The following ATP1A3 variants were observed in gnomAD, a reference collection of about 807,000 sequenced individuals.
ATP1A3 encodes the protein sodium/potassium-transporting ATPase subunit alpha-3.
ATP1A3 carries 12 observed loss-of-function variants against 108.8 expected under a neutral mutation model. The observed-to-expected ratio is 0.11, with a 90% CI of 0.07 to 0.18. The LOEUF is 0.18. Ranked by LOEUF, ATP1A3 falls within the 10% of genes least tolerant of loss-of-function variation. The pLI is 1.00. For synonymous variants in ATP1A3, 539 were observed against 564.5 expected (o/e 0.95, Z 0.64); for missense variants, 498 against 1,387.7 (o/e 0.36, Z 10.19).
At position 41,967,454 on chromosome 19, in the gene ATP1A3, G is replaced by A. The variant is rs1215178151; in HGVS notation, c.2922-114C>T. ...CTCCCAGGATCCTTCGTGCTCACAGGTGGAGGGTGCCCTGGGCGGGGCTGG... is the reference window on the plus strand; with the variant it reads ...CTCCCAGGATCCTTCGTGCTCACAGATGGAGGGTGCCCTGGGCGGGGCTGG... On this transcript the variant is annotated intron_variant, in intron 21 of 22. Transcript: ENST00000648268. This position sits in a 1 kb window ranked among gnomAD's most constrained non-coding sequence, Gnocchi z 4.2. 1.5e-6 allele frequency: 2 copies of A among 1,330,120 alleles called. No individual in the cohort carries two copies. The highest frequency in any genetic ancestry group is 1.3e-5 in the South Asian group (1 of 77,762). The allele number at this position is 1,330,120 out of a possible 1,614,324, so 82.4% of individuals were successfully genotyped here. A position where few individuals can be genotyped will look rare whatever the true frequency, so the allele number is the denominator to read the frequency against.
chr19:41,976,343 A>G, intron 15 of ATP1A3, 73 bp downstream of exon 15: 3 of 1,593,238 alleles, frequency 1.9e-6, no homozygotes, highest in Non-Finnish European at 2.6e-6. Context: ...CAGACCCAGG[A>G]AACCAGGCCC....
rs2075360437 is a variant in ATP1A3 at position 41,993,549 on chromosome 19, A to AGGC, written c.6+521_6+522insGCC. On this transcript the variant is annotated intron_variant, in intron 1 of 22. Transcript: ENST00000648268. ...CACACACACACACACACACACACAC[A>AGGC]CTGCGGAGTCCCCCCATCCAGGCCT... 4.2e-5 allele frequency: 35 copies of AGGC among 823,700 alleles called. No homozygotes were observed. The South Asian group carries it at 6.5e-4, about 15-fold the overall frequency. The allele number at this position is 823,700 out of a possible 1,614,324, so 51.0% of individuals were successfully genotyped here.
At chr19:41,984,671 T>A (rs1555864641) in intron 8 of ATP1A3, 1 of 489,694 alleles carries the variant, frequency 2.0e-6, no homozygotes, top group East Asian at 3.2e-5. Context: ...TTGTTTGCTT[T>A]GTTAATGAGG....
At chr19:41,993,265 A>C in intron 1 of ATP1A3, 1 of 854,710 alleles carries the variant, frequency 1.2e-6, no homozygotes, top group East Asian at 3.5e-5. Flanking sequence ...GGGAGGCGGC[A>C]TCTGCTGGAG....
In ATP1A3 at chr19:41,987,825, A is replaced by G. The variant is rs1172869480; in HGVS notation, c.357+111T>C. ...CTGGGTGATTGTGAGTTAGATGGGA[A>G]AAAGGGGGAGAGTGGGCTGTGAAAA... On this transcript the variant is annotated intron_variant, in intron 4 of 22. Transcript: ENST00000648268. 14 of 1,364,132 alleles carry G rather than the reference A, an allele frequency of 1.0e-5. No homozygotes were observed. The East Asian group carries it at 1.1e-4, about 11-fold the overall frequency. 84.5% of individuals were successfully genotyped at this position (1,364,132 alleles called of 1,614,324 possible).
intron 16 of ATP1A3, among the ~76,000 whole-genome samples, chr19:41,973,903 G>T (rs2075139090): frequency 1.3e-5 from 2 of 152,106 alleles, no homozygotes; most frequent in Non-Finnish European, 2.9e-5. Flanking sequence ...CAGCAAATTG[G>T]GAGGCCAAGG....
At chr19:41,972,828 AGG>A (rs2075125054) in intron 16 of ATP1A3, among the ~76,000 whole-genome samples, 1 of 132,084 alleles carries the variant, frequency 7.6e-6, no homozygotes, top group African/African-American at 3.0e-5. Context: ...GAAGGAAGGA[AGG>A]AAGGAAGGAA....
intron 16 of ATP1A3, among the ~76,000 whole-genome samples, chr19:41,972,200 C>CG (rs2075116780): frequency 6.6e-6 from 1 of 151,798 alleles, no homozygotes; most frequent in African/African-American, 2.4e-5. Flanking sequence ...CAGTGAGCCG[C>CG]AATTGTGCCA....
intron 16 of ATP1A3, 51 bp from the exon 17 acceptor site, chr19:41,970,593 CCCTCTGCCCCT>C: frequency 1.9e-6 from 3 of 1,605,706 alleles, no homozygotes; most frequent in Non-Finnish European, 2.6e-6. Context: ...GAGCCCCACT[CCCTCTGCCCCT>C]CCTCTGCCCT....
intron 1 of ATP1A3, among the ~76,000 whole-genome samples, chr19:41,992,350 G>T (rs1555867750): frequency 1.3e-5 from 2 of 152,140 alleles, no homozygotes; most frequent in African/African-American, 4.8e-5. Flanking sequence ...GCGCTGCGGG[G>T]TGGGAGCACC....
rs1255756863 is a variant in ATP1A3, at chr19:41,978,979, A to ATTTCTT, written c.1438-187_1438-182dup. On this transcript the variant is annotated intron_variant, in intron 11 of 22. Coordinates refer to ENST00000648268, the MANE Select transcript of ATP1A3 (RefSeq NM_152296.5). The surrounding 1 kb of genome is among the most constrained non-coding windows in gnomAD (Gnocchi z 8.3). ...CGCTCTGTCTATGTCATGGATATAT[A>ATTTCTT]TTTCTTTTTCTTTTTCTTTTTTTCT... is the stretch of plus-strand genomic sequence containing the variant. 6.6e-6 allele frequency among the ~76,000 whole-genome samples: 1 copy of ATTTCTT among 151,310 alleles called. No individual in the cohort carries two copies. Among genetic ancestry groups the ATTTCTT allele is most frequent in the East Asian group, 1.9e-4 (1 of 5,166 alleles).
chr19:41,975,875 C>T, intron 15 of ATP1A3, 78 bp from the exon 16 acceptor site: 2 of 1,580,222 alleles, frequency 1.3e-6, no homozygotes, highest in Non-Finnish European at 1.7e-6. Context: ...AAGCCCAGGA[C>T]CCCAGCCCCC....
At chr19:41,991,757 G>T (rs1555867474) in intron 1 of ATP1A3, among the ~76,000 whole-genome samples, 1 of 151,968 alleles carries the variant, frequency 6.6e-6, no homozygotes, top group African/African-American at 2.4e-5. Context: ...GTCTGAGGGA[G>T]GAGGGGCAGG....
chr19:41,974,362 A>T (rs62119580), intron 16 of ATP1A3, among the ~76,000 whole-genome samples: 1 of 152,082 alleles, frequency 6.6e-6, no homozygotes, highest in African/African-American at 2.4e-5. Flanking sequence ...AGGATCGATT[A>T]AGTCCCGGAG....
chr19:41,994,171 C>G lies in ATP1A3; in HGVS notation c.-95G>C, dbSNP rs2075365953. 7.9e-7 allele frequency: 1 copy of G among 1,271,856 alleles called. No individual in the cohort carries two copies. The highest frequency in any genetic ancestry group is 3.0e-5 in the East Asian group (1 of 33,004). 78.8% of individuals were successfully genotyped at this position (1,271,856 alleles called of 1,614,324 possible). ...TTGGGCTGGGAGCCTCTGCAGCGCC[C>G]GCGCCTCGGTAGGTGCGCGCGTCCG... On this transcript the variant is annotated 5_prime_UTR_variant, in exon 1 of 23. Transcript: ENST00000648268.
Position 41,968,775 on chromosome 19 carries a change from C to T in ATP1A3, c.2819+10G>A, listed in dbSNP as rs782236178. On this transcript the variant is annotated intron_variant, in intron 20 of 22. Coordinates refer to ENST00000648268, the MANE Select transcript of ATP1A3 (RefSeq NM_152296.5). The surrounding 1 kb of genome is among the most constrained non-coding windows in gnomAD (Gnocchi z 5.0). ...TGGCTGTCCAGTCACCATGTGCCCC[C>T]GGCCCTCACTTCATGCCCTGCTGGA... is the stretch of plus-strand genomic sequence containing the variant. 5.3e-5 allele frequency: 85 copies of T among 1,613,536 alleles called. No individual in the cohort carries two copies. Among genetic ancestry groups the T allele is most frequent in the Admixed American group, 4.0e-4 (24 of 59,992 alleles).
chr19:41,987,824 A>C lies in ATP1A3; in HGVS notation c.357+112T>G, dbSNP rs542911682. The C allele has an allele frequency of 1.3e-4, 168 of 1,343,906 alleles. No individual in the cohort carries two copies. The South Asian group carries it at 1.7e-3, about 14-fold the overall frequency. The allele number at this position is 1,343,906 out of a possible 1,614,324, so 83.2% of individuals were successfully genotyped here. A position where few individuals can be genotyped will look rare whatever the true frequency, so the allele number is the denominator to read the frequency against. On this transcript the variant is annotated intron_variant, in intron 4 of 22. Transcript: ENST00000648268. ...GCTGGGTGATTGTGAGTTAGATGGGAAAAAGGGGGAGAGTGGGCTGTGAAA... is the reference window on the plus strand; with the variant it reads ...GCTGGGTGATTGTGAGTTAGATGGGCAAAAGGGGGAGAGTGGGCTGTGAAA...
chr19:41,980,639 C>T (rs1481118977), intron 11 of ATP1A3, among the ~76,000 whole-genome samples: 4 of 146,816 alleles, frequency 2.7e-5, no homozygotes, highest in African/African-American at 7.6e-5. Flanking sequence ...AGGCCGGGCG[C>T]GGTGGCTCAT....
chr19:41,993,500 TGCAC>T (rs2075359254), intron 1 of ATP1A3: 1 of 1,094,534 alleles, frequency 9.1e-7, no homozygotes. Flanking sequence ...CTGCGGAGCC[TGCAC>T]ACACACACAC....
Sources: gnomAD v4.1 joint callset for allele counts (sites outside exome capture counted in the v4.1 genomes callset) on GRCh38, gnomAD v4.1.1 for gene constraint, Gnocchi (gnomAD v3.1) non-coding constraint, MANE v1.5 for transcripts, NCBI Gene and HGNC (gene_info 2026-07-23, HGNC 2026-07-21) for gene names.